Variants in CEP152 observed in about 807,000 individuals in gnomAD.
CEP152 encodes the protein centrosomal protein of 152 kDa.
Under a neutral mutation model 188.9 loss-of-function variants are expected in CEP152, and 132 were observed. The ratio of observed to expected loss-of-function variants is 0.70; its 90% CI spans 0.61 to 0.81. The LOEUF (loss-of-function observed/expected upper bound fraction) is 0.81, where lower values mean the gene tolerates loss of function less well. Among genes scored for constraint, CEP152 ranks in the 30% least tolerant of loss-of-function variants. CEP152 has a pLI of 0.00. For missense variants in CEP152, 1,914 were observed against 1,969.8 expected (o/e 0.97, Z 0.54); for synonymous variants, 649 against 666.6 (o/e 0.97, Z 0.41).
intron 14 of CEP152, 145 bp from the exon 15 acceptor site, chr15:48,768,473 GAA>G (rs1895286973): frequency 9.9e-6 from 6 of 603,516 alleles, no homozygotes; most frequent in East Asian, 2.8e-5. Flanking sequence ...TTCTGCAAAA[GAA>G]AAAGTCTCTT....
intron 6 of CEP152, among the ~76,000 whole-genome samples, chr15:48,793,861 T>C (rs1267208936): frequency 6.6e-6 from 1 of 152,216 alleles, no homozygotes; most frequent in Admixed American, 6.5e-5. Context: ...AATAAAGTAA[T>C]ATGCTGTCAG....
In CEP152 at chr15:48,765,636, A is replaced by ATTTTTTT. The variant is rs34837739; in HGVS notation, c.2280+1417_2280+1423dup. The stretch of plus-strand genomic sequence containing the variant: ...GAAAATTCCTCTTATGTTCTTGCCA[A>ATTTTTTT]TTTTTTTTTTTTTTTTTTTTTTTTT... On this transcript the variant is annotated intron_variant, in intron 17 of 26. Coordinates refer to ENST00000380950, the MANE Select transcript of CEP152 (RefSeq NM_001194998.2). 313 of 189,438 alleles carry ATTTTTTT rather than the reference A, an allele frequency of 1.7e-3. 7 individuals are homozygous for ATTTTTTT. Among genetic ancestry groups the ATTTTTTT allele is most frequent in the Admixed American group, 2.6e-3 (23 of 8,846 alleles). The allele number at this position is 189,438 out of a possible 1,614,324, so 11.7% of individuals were successfully genotyped here. A position where few individuals can be genotyped will look rare whatever the true frequency, so the allele number is the denominator to read the frequency against.
At position 48,756,290 on chromosome 15, in the gene CEP152, G is replaced by T. The variant is rs770176594; in HGVS notation, c.2958C>A (p.His986Gln). ...EQDYRQFLDD[H>Q]RNKINEVLAA... ...CAAGCACCTCATTAATTTTATTTCG[G>T]TGATCATCTAAAAATTGCCGGTAAT... Residue 986 changes from histidine to glutamine, a missense_variant, in exon 20 of 27, where the codon CAC (histidine) becomes CAA (glutamine). Physicochemically the swap from His to Gln is conservative, Grantham distance 24 (BLOSUM62 0). Transcript: ENST00000380950. 3 of 1,576,878 alleles carry T rather than the reference G, an allele frequency of 1.9e-6. No homozygotes were observed. The highest frequency in any genetic ancestry group is 2.4e-5 in the South Asian group (2 of 84,052).
rs369980055 is a variant in CEP152, at chr15:48,744,294, C to T, written c.3781G>A (p.Gly1261Arg). The change falls in exon 24 of 27, where the codon GGA becomes AGA. Residue 1261 changes from glycine to arginine, a missense_variant. By Grantham distance (125) the Gly-to-Arg change is moderately radical. Coordinates refer to ENST00000380950, the MANE Select transcript of CEP152 (RefSeq NM_001194998.2). ...TGCCCACGAAGTTCTTCCAAGGCTC[C>T]CCCACTGCATGGCAGGCAAGCATTT... ...IENACLPCSG[G>R]ALEELRGQYI... 3.7e-6 allele frequency: 6 copies of T among 1,613,936 alleles called. No homozygotes were observed. The highest frequency in any genetic ancestry group is 1.7e-5 in the Admixed American group (1 of 60,012).
At chr15:48,765,887 C>T (rs1470737639) in intron 17 of CEP152, among the ~76,000 whole-genome samples, 1 of 151,852 alleles carries the variant, frequency 6.6e-6, no homozygotes, top group Non-Finnish European at 1.5e-5. Context: ...CTCCTGACCT[C>T]GTGATCCGCC....
At chr15:48,793,839 C>G (rs1897136490) in intron 6 of CEP152, among the ~76,000 whole-genome samples, 1 of 152,102 alleles carries the variant, frequency 6.6e-6, no homozygotes, top group African/African-American at 2.4e-5. Context: ...CAGTATATAA[C>G]AACTGCAATG....
chr15:48,775,414 C>T (rs1232120802), intron 12 of CEP152, among the ~76,000 whole-genome samples: 1 of 152,016 alleles, frequency 6.6e-6, no homozygotes, highest in Non-Finnish European at 1.5e-5. Context: ...AAAAGAAAAA[C>T]CTATACATTA....
Position 48,781,320 on chromosome 15 carries a change from C to T in CEP152, c.1453G>A (p.Glu485Lys). 1 of 1,611,114 alleles carries T rather than the reference C, an allele frequency of 6.2e-7. No homozygotes were observed. The highest frequency in any genetic ancestry group is 8.5e-7 in the Non-Finnish European group (1 of 1,177,670). Residue 485 changes from glutamate to lysine, a missense_variant, in exon 12 of 27, where the codon GAA becomes AAA. By Grantham distance (56) the Glu-to-Lys change is moderately conservative. Coordinates refer to ENST00000380950, the MANE Select transcript of CEP152 (RefSeq NM_001194998.2). ...TELKDEISLY[E>K]SAAKLGIHPS... ...TGTATTCCTAGTTTTGCAGCAGATT[C>T]ATAGAGAGAAATTTCATCTTTTAGT...
Position 48,742,115 on chromosome 15 carries a change from G to A in CEP152, c.3836-15C>T. 6 of 1,612,950 alleles carry A rather than the reference G, an allele frequency of 3.7e-6. No individual in the cohort carries two copies. The highest frequency in any genetic ancestry group is 4.2e-6 in the Non-Finnish European group (5 of 1,179,008). On this transcript the variant is annotated splice_polypyrimidine_tract_variant and intron_variant, in intron 24 of 26. Transcript: ENST00000380950. ...AAGCATGTCACCTATAGGGAAGTGAGAAAATGCCCACAGAATGTATGTTTA... is the reference window on the plus strand; with the variant it reads ...AAGCATGTCACCTATAGGGAAGTGAAAAAATGCCCACAGAATGTATGTTTA...
chr15:48,735,394 A>G (rs972120325), downstream of CEP152, among the ~76,000 whole-genome samples: 1 of 152,236 alleles, frequency 6.6e-6, no homozygotes, highest in African/African-American at 2.4e-5. Context: ...ATACATCTAT[A>G]TCAATAGAGA....
intron 17 of CEP152, among the ~76,000 whole-genome samples, chr15:48,765,152 A>G (rs1467180345): frequency 1.3e-5 from 2 of 152,208 alleles, no homozygotes; most frequent in East Asian, 3.8e-4. Context: ...AGAGGGAAGA[A>G]ATTAAACTTC....
intron 26 of CEP152, among the ~76,000 whole-genome samples, chr15:48,739,942 T>A (rs1294281603): frequency 6.6e-6 from 1 of 152,204 alleles, no homozygotes; most frequent in East Asian, 1.9e-4. Flanking sequence ...AAGGTTCACA[T>A]CACCATTCCA....
Position 48,791,327 on chromosome 15 carries a change from A to C in CEP152, c.882T>G (p.Phe294Leu), listed in dbSNP as rs201925410. Residue 294 changes from phenylalanine (F) to leucine (L), a missense_variant, in exon 8 of 27, where the codon TTT becomes TTG. By Grantham distance (22) the Phe-to-Leu change is conservative (BLOSUM62 0). Transcript: ENST00000380950. ...TLSLRESQKL[F>L]QNGKEREIQL... is the part of the protein sequence containing the mutation. ...GTATCTCTCTTTCTTTTCCATTCTG[A>C]AAGAGTTTCTGTGATTCTCGAAGGC... 1.1e-5 allele frequency: 18 copies of C among 1,612,864 alleles called. No individual in the cohort carries two copies. The African/African-American group carries it at 2.4e-4, about 22-fold the overall frequency.
Position 48,738,259 on chromosome 15 carries a change from T to C in CEP152, c.5123A>G (p.Asn1708Ser). 1.1e-5 allele frequency: 18 copies of C among 1,612,998 alleles called. No homozygotes were observed. Among genetic ancestry groups the C allele is most frequent in the Non-Finnish European group, 1.5e-5 (18 of 1,179,310 alleles). Reference sequence around the variant, plus strand: ...AATACTGTACCATAATTAGTCTAGATTAACAAATGGGCTATCAAAGCCACT... The same window carrying C: ...AATACTGTACCATAATTAGTCTAGACTAACAAATGGGCTATCAAAGCCACT... Reference protein sequence around the residue: ...QDSGFDSPFVNLD With the variant: ...QDSGFDSPFVSLD Residue 1708 changes from asparagine to serine, a missense_variant, in exon 27 of 27, where the codon AAT (asparagine) becomes AGT (serine). Coordinates refer to ENST00000380950, the MANE Select transcript of CEP152 (RefSeq NM_001194998.2).
chr15:48,800,602 C>G (rs780722248), intron 2 of CEP152, among the ~76,000 whole-genome samples: 2 of 152,124 alleles, frequency 1.3e-5, no homozygotes, highest in African/African-American at 4.8e-5. Flanking sequence ...AATACAGATT[C>G]AAGAACAGAA....
rs78892042 is a variant in CEP152, at chr15:48,766,787, C to CT, written c.2280+272dup. ...TTTCAGATTTAAAGTGACACTGATC[C>CT]TTTTTTTTTTTTTGCCCTTTAGAAT... On this transcript the variant is annotated intron_variant, in intron 17 of 26. Transcript: ENST00000380950. Among the ~76,000 whole-genome samples the CT allele has an allele frequency of 0.045, 6,199 of 137,750 alleles. 163 individuals carry two copies. Among genetic ancestry groups the CT allele is most frequent in the Non-Finnish European group, 0.051 (3,252 of 63,276 alleles). The allele number at this position is 137,750 out of a possible 152,430, so 90.4% of individuals were successfully genotyped here. A position where few individuals can be genotyped will look rare whatever the true frequency, so the allele number is the denominator to read the frequency against.
chr15:48,806,798 A>T (rs1898012723), intron 1 of CEP152, among the ~76,000 whole-genome samples: 1 of 152,242 alleles, frequency 6.6e-6, no homozygotes, highest in South Asian at 2.1e-4. Flanking sequence ...TCTATGATGC[A>T]GTTCCATTTG....
intron 21 of CEP152, among the ~76,000 whole-genome samples, chr15:48,750,905 G>A (rs1489954592): frequency 1.3e-5 from 2 of 152,102 alleles, no homozygotes; most frequent in East Asian, 3.8e-4. Context: ...ATAGAACTGT[G>A]GTCAACAGCA....
In CEP152 at chr15:48,756,305, T is replaced by C; in HGVS notation, c.2943A>G (p.Gln981=). The C allele has an allele frequency of 6.3e-7, 1 of 1,576,216 alleles. No homozygotes were observed. Among genetic ancestry groups the C allele is most frequent in the Non-Finnish European group, 8.6e-7 (1 of 1,164,408 alleles). ...IQEQNEQDYR[Q]FLDDHRNKIN... The stretch of plus-strand genomic sequence containing the variant: ...TTTTATTTCGGTGATCATCTAAAAA[T>C]TGCCGGTAATCTTGCTCATTTTGTT... The change falls in exon 20 of 27, where the codon CAA becomes CAG. Residue 981 remains glutamine (Q), a synonymous_variant. Transcript: ENST00000380950.
Sources: allele counts gnomAD v4.1 joint callset (sites outside exome capture counted in the v4.1 genomes callset), GRCh38; gene constraint gnomAD v4.1.1; transcripts MANE v1.5; gene names NCBI Gene and HGNC (gene_info 2026-07-23, HGNC 2026-07-21).